The following DYNC1LI1 variants were observed in gnomAD, a reference collection of about 807,000 sequenced individuals.
DYNC1LI1 encodes the protein dynein cytoplasmic 1 light intermediate chain 1.
A neutral mutation model predicts 63.8 loss-of-function variants in DYNC1LI1; 19 were observed. That is an observed-to-expected ratio of 0.30 (90% CI 0.21 to 0.44). The LOEUF is 0.44. Ranked by LOEUF, DYNC1LI1 falls within the 20% of genes least tolerant of loss-of-function variation. The probability of loss-of-function intolerance (pLI) is 1.00; values close to 1 mark genes in which losing one functional copy is unlikely to be tolerated. For synonymous variants in DYNC1LI1, 225 were observed against 232.3 expected, an observed-to-expected ratio of 0.97 and a Z score of 0.28; for missense variants, 565 against 630.2, an observed-to-expected ratio of 0.90 and a Z score of 1.11.
intron 5 of DYNC1LI1, among the ~76,000 whole-genome samples, chr3:32,539,572 G>A (rs980534330): frequency 2.0e-4 from 31 of 151,952 alleles, no homozygotes; most frequent in African/African-American, 7.5e-4. Context: ...TGGAGTCTCT[G>A]TCGCCCAGGC....
At chr3:32,570,272 C>T in intron 2 of DYNC1LI1, 74 bp downstream of exon 2, 2 of 1,243,536 alleles carry the variant, frequency 1.6e-6, no homozygotes, top group Non-Finnish European at 2.3e-6. Context: ...AGAGAGCCAG[C>T]GAGCTAGCCC....
intron 4 of DYNC1LI1, among the ~76,000 whole-genome samples, chr3:32,542,118 ATTAG>A (rs1697890298): frequency 6.6e-6 from 1 of 152,180 alleles, no homozygotes; most frequent in Admixed American, 6.5e-5. Flanking sequence ...ACACAAAAGT[ATTAG>A]TTATTTATTT....
chr3:32,537,986 T>A (rs537895248), intron 5 of DYNC1LI1, among the ~76,000 whole-genome samples: 2 of 56,162 alleles, frequency 3.6e-5, no homozygotes, highest in Non-Finnish European at 6.1e-5. Flanking sequence ...ATATATAATA[T>A]ATATATATAA....
At chr3:32,540,165 C>T (rs886187365) in intron 5 of DYNC1LI1, among the ~76,000 whole-genome samples, 6 of 151,756 alleles carry the variant, frequency 4.0e-5, no homozygotes, top group African/African-American at 9.7e-5. Flanking sequence ...CACCATGCCT[C>T]ACCTTCTATT....
chr3:32,566,221 G>A (rs1397277676), intron 2 of DYNC1LI1, among the ~76,000 whole-genome samples: 1 of 151,998 alleles, frequency 6.6e-6, no homozygotes, highest in Admixed American at 6.6e-5. Context: ...GCAGTGAGCC[G>A]AGATTATGCC....
rs10662666 is a variant in DYNC1LI1 at position 32,526,062 on chromosome 3, C to CATATATAT, written c.*729_*736dup. ...AAAAGGGGGTATATTAAGGCAAAGC[C>CATATATAT]ATATATATATATATATATGTATAGA... On this transcript the variant is annotated 3_prime_UTR_variant, in exon 13 of 13. Coordinates refer to ENST00000273130, the MANE Select transcript of DYNC1LI1 (RefSeq NM_016141.4). 8 of 148,406 alleles carry CATATATAT rather than the reference C, an allele frequency of 5.4e-5. No homozygotes were observed. Among genetic ancestry groups the CATATATAT allele is most frequent in the African/African-American group, 2.0e-4 (8 of 40,482 alleles). The allele number at this position is 148,406 out of a possible 1,614,324, so 9.2% of individuals were successfully genotyped here. A position where few individuals can be genotyped will look rare whatever the true frequency, so the allele number is the denominator to read the frequency against.
chr3:32,559,919 A>T (rs986431920), intron 2 of DYNC1LI1, among the ~76,000 whole-genome samples: 4 of 152,198 alleles, frequency 2.6e-5, no homozygotes, highest in Admixed American at 1.3e-4. Context: ...TCCACAGGTT[A>T]TCTGGAGGAC....
chr3:32,545,769 TA>T, intron 3 of DYNC1LI1, 79 bp downstream of exon 3: 24 of 968,864 alleles, frequency 2.5e-5, no homozygotes, highest in Non-Finnish European at 3.1e-5. Flanking sequence ...AATTACACAC[TA>T]AAAAAAATCA....
chr3:32,562,751 T>C (rs1333688824), intron 2 of DYNC1LI1, among the ~76,000 whole-genome samples: 3 of 152,216 alleles, frequency 2.0e-5, no homozygotes, highest in Non-Finnish European at 2.9e-5. Context: ...TTTCTTTTGG[T>C]TCTTTTAATC....
intron 4 of DYNC1LI1, among the ~76,000 whole-genome samples, chr3:32,542,382 T>G (rs1575152678): frequency 6.6e-6 from 1 of 151,648 alleles, no homozygotes; most frequent in Admixed American, 6.6e-5. Context: ...ATAACAGAGG[T>G]GAGCCACTGT....
Position 32,544,858 on chromosome 3 carries a change from T to A in DYNC1LI1, c.568+18A>T, listed in dbSNP as rs1697930959. The A allele has an allele frequency of 5.9e-6, 9 of 1,538,062 alleles. No individual in the cohort carries two copies. The highest frequency in any genetic ancestry group is 6.3e-6 in the Non-Finnish European group (7 of 1,112,158). On this transcript the variant is annotated intron_variant, in intron 4 of 12. Transcript: ENST00000273130. ...ATTTTGTATTTGAAACCTACATTACTGTTTCTAGATTACTTACACTTTTGT... is the reference window on the plus strand; with the variant it reads ...ATTTTGTATTTGAAACCTACATTACAGTTTCTAGATTACTTACACTTTTGT...
At chr3:32,540,028 C>T (rs1360531008) in intron 5 of DYNC1LI1, among the ~76,000 whole-genome samples, 2 of 151,056 alleles carry the variant, frequency 1.3e-5, no homozygotes, top group Non-Finnish European at 2.9e-5. Context: ...CCACGCCTGG[C>T]TAATTTTTTT....
intron 6 of DYNC1LI1, among the ~76,000 whole-genome samples, chr3:32,536,030 G>C (rs1021060537): frequency 2.0e-5 from 3 of 152,076 alleles, no homozygotes; most frequent in Non-Finnish European, 2.9e-5. Context: ...TGGTAGACTA[G>C]TACCCTTTAA....
intron 2 of DYNC1LI1, among the ~76,000 whole-genome samples, chr3:32,547,174 T>C (rs144442486): frequency 0.013 from 1,931 of 152,068 alleles, 43 homozygotes; most frequent in African/African-American, 0.04. Context: ...ATCCGGGAGG[T>C]AGAGGTTGCA....
In DYNC1LI1 at chr3:32,570,850, C is replaced by A; in HGVS notation, c.-80G>T. ...GCGGTGGCGGTGGAGGCGGCGGGAA[C>A]CCGGATATGGGGCGTTCAGCGCACG... On this transcript the variant is annotated 5_prime_UTR_variant, in exon 1 of 13. Coordinates refer to ENST00000273130, the MANE Select transcript of DYNC1LI1 (RefSeq NM_016141.4). 1 of 1,508,418 alleles carries A rather than the reference C, an allele frequency of 6.6e-7. No individual in the cohort carries two copies. The highest frequency in any genetic ancestry group is 8.9e-7 in the Non-Finnish European group (1 of 1,123,748). 93.4% of individuals were successfully genotyped at this position (1,508,418 alleles called of 1,614,324 possible).
intron 2 of DYNC1LI1, among the ~76,000 whole-genome samples, chr3:32,567,785 C>T (rs940980431): frequency 2.7e-5 from 4 of 150,576 alleles, no homozygotes; most frequent in African/African-American, 9.8e-5. Flanking sequence ...CTCACTGCAA[C>T]CTCCGCCTCC....
At chr3:32,557,711 C>A (rs1368367191) in intron 2 of DYNC1LI1, among the ~76,000 whole-genome samples, 1 of 152,050 alleles carries the variant, frequency 6.6e-6, no homozygotes, top group African/African-American at 2.4e-5. Flanking sequence ...AATTAATATA[C>A]CTTTAAAGTG....
chr3:32,534,168 G>C (rs536611408), intron 7 of DYNC1LI1, among the ~76,000 whole-genome samples: 2 of 152,212 alleles, frequency 1.3e-5, no homozygotes, highest in Admixed American at 6.5e-5. Context: ...GAGCCACCGT[G>C]CTCAGCCAGG....
At chr3:32,570,129 A>G in intron 2 of DYNC1LI1, 1 of 684,484 alleles carries the variant, frequency 1.5e-6, no homozygotes, top group Non-Finnish European at 2.7e-6. Flanking sequence ...ACCGGGGAGG[A>G]GGAGGAGGAA....
Sources: gnomAD v4.1 joint callset for allele counts (sites outside exome capture counted in the v4.1 genomes callset) on GRCh38, gnomAD v4.1.1 for gene constraint, MANE v1.5 for transcripts, NCBI Gene and HGNC (gene_info 2026-07-23, HGNC 2026-07-21) for gene names.